TPST2: variants seen among roughly 807,000 people sequenced by gnomAD.
TPST2 encodes the protein tyrosylprotein sulfotransferase 2.
In TPST2, 16 loss-of-function variants were observed where a neutral mutation model predicts 27.8. That is an observed-to-expected ratio of 0.58 (90% CI 0.39 to 0.88). The LOEUF is 0.88. TPST2 is among the 40% of genes least tolerant of loss of function. TPST2 has a pLI of 0.00. For synonymous variants in TPST2, 229 were observed against 231.7 expected (o/e 0.99, Z 0.10); for missense variants, 464 against 543.1 (o/e 0.85, Z 1.45).
At chr22:26,565,372 G>A (rs1927332428) in intron 1 of TPST2, 1 of 152,292 alleles carries the variant, frequency 6.6e-6, no homozygotes, top group South Asian at 2.1e-4. Context: ...CTCCTTTGAA[G>A]GATCAGTCAG....
At chr22:26,542,313 T>C (rs1925908542) in intron 2 of TPST2, among the ~76,000 whole-genome samples, 1 of 149,952 alleles carries the variant, frequency 6.7e-6, no homozygotes. Context: ...CTCGGACTCC[T>C]GGGCTCAAGC....
chr22:26,534,682 C>T (rs981730167), intron 4 of TPST2, among the ~76,000 whole-genome samples: 2 of 152,156 alleles, frequency 1.3e-5, no homozygotes, highest in Non-Finnish European at 2.9e-5. Flanking sequence ...TGTCCCCAGC[C>T]GGCCCTCGCC....
At chr22:26,559,809 A>C (rs1482670564) in intron 1 of TPST2, among the ~76,000 whole-genome samples, 1 of 152,084 alleles carries the variant, frequency 6.6e-6, no homozygotes, top group Non-Finnish European at 1.5e-5. Flanking sequence ...GTTTCTGCAA[A>C]CCCCCACTTA....
At position 26,540,532 on chromosome 22, in the gene TPST2, C is replaced by T. The variant is rs188031011; in HGVS notation, c.842+257G>A. 7.2e-5 allele frequency among the ~76,000 whole-genome samples: 11 copies of T among 152,250 alleles called. No homozygotes were observed. In the East Asian group the frequency reaches 1.7e-3, roughly 24 times the overall value. On this transcript the variant is annotated intron_variant, in intron 3 of 6. Transcript: ENST00000338754. Reference sequence around the variant, plus strand: ...GAGGATCACTTGAACAGGGAGGTGGCGGCTGTTACTCCAGCCGGGCAACAG... The same window carrying T: ...GAGGATCACTTGAACAGGGAGGTGGTGGCTGTTACTCCAGCCGGGCAACAG...
intron 1 of TPST2, among the ~76,000 whole-genome samples, chr22:26,557,883 C>T (rs1229986826): frequency 1.3e-5 from 2 of 149,568 alleles, no homozygotes; most frequent in Admixed American, 6.7e-5. Flanking sequence ...TCCATCTCTA[C>T]AAAAAAATTA....
chr22:26,570,027 G>A (rs1927558515), intron 1 of TPST2, among the ~76,000 whole-genome samples: 2 of 119,528 alleles, frequency 1.7e-5, no homozygotes, highest in African/African-American at 3.4e-5. Context: ...AAGAAAGAAA[G>A]AAAGAAAGAA....
intron 4 of TPST2, chr22:26,536,017 G>A (rs992310618): frequency 5.2e-6 from 3 of 575,872 alleles, no homozygotes; most frequent in Non-Finnish European, 9.9e-6. Context: ...AATAAAATTA[G>A]AGAAATAAGA....
intron 2 of TPST2, among the ~76,000 whole-genome samples, chr22:26,543,918 A>G (rs1925988933): frequency 6.6e-6 from 1 of 152,206 alleles, no homozygotes; most frequent in African/African-American, 2.4e-5. Context: ...ACCCAGAGCT[A>G]GGGACCCCAC....
chr22:26,537,191 C>T (rs1925515966), intron 3 of TPST2, among the ~76,000 whole-genome samples: 1 of 152,236 alleles, frequency 6.6e-6, no homozygotes, highest in African/African-American at 2.4e-5. Context: ...CCTACAGGCA[C>T]TCAGTCTTTG....
At chr22:26,550,452 T>A (rs1569185269) in intron 1 of TPST2, 1 of 439,050 alleles carries the variant, frequency 2.3e-6, no homozygotes, top group Non-Finnish European at 3.0e-6. Context: ...CTCAAATCTA[T>A]AGGAACTTTC....
chr22:26,579,203 T>C (rs910732331), intron 1 of TPST2, among the ~76,000 whole-genome samples: 6 of 152,174 alleles, frequency 3.9e-5, no homozygotes, highest in African/African-American at 1.4e-4. Flanking sequence ...CCAAAACTCT[T>C]AGCCATCAAA....
intron 1 of TPST2, among the ~76,000 whole-genome samples, chr22:26,557,382 A>G (rs1330488462): frequency 6.6e-6 from 1 of 152,204 alleles, no homozygotes; most frequent in Non-Finnish European, 1.5e-5. Flanking sequence ...AATGGGCCCA[A>G]TAATTCTTAC....
At chr22:26,536,555 A>G in intron 3 of TPST2, 69 bp from the exon 4 acceptor site, 2 of 1,357,642 alleles carry the variant, frequency 1.5e-6, no homozygotes, top group Admixed American at 2.9e-5. Context: ...TTCCCTGCTC[A>G]GCCACTCTGG....
intron 3 of TPST2, among the ~76,000 whole-genome samples, chr22:26,538,747 C>T (rs1357223184): frequency 1.3e-5 from 2 of 152,106 alleles, no homozygotes; most frequent in Admixed American, 6.5e-5. Flanking sequence ...TGCTTGAACC[C>T]GGGAGGCGGA....
intron 5 of TPST2, 61 bp from the exon 6 acceptor site, chr22:26,528,323 T>C (rs1924954543): frequency 6.5e-7 from 1 of 1,538,958 alleles, no homozygotes; most frequent in African/African-American, 1.4e-5. Flanking sequence ...CCTTGCTGTA[T>C]TGAGGGTCAC....
At chr22:26,560,885 G>A (rs1927052470) in intron 1 of TPST2, 2 of 1,598,900 alleles carry the variant, frequency 1.3e-6, no homozygotes, top group Non-Finnish European at 1.7e-6. Context: ...ATCCTGGCCT[G>A]TCCATTGGTG....
intron 3 of TPST2, among the ~76,000 whole-genome samples, chr22:26,539,776 CAAAAACA>C (rs1569180387): frequency 6.6e-6 from 1 of 151,882 alleles, no homozygotes; most frequent in East Asian, 1.9e-4. Flanking sequence ...CTCAAAAAAA[CAAAAACA>C]AAAACAAGAA....
At chr22:26,583,835 C>T (rs941505464) in intron 1 of TPST2, among the ~76,000 whole-genome samples, 19 of 151,080 alleles carry the variant, frequency 1.3e-4, no homozygotes, top group Non-Finnish European at 2.4e-4. Flanking sequence ...AGCGAGACTT[C>T]GTCTCAAAAA....
At chr22:26,531,486 A>T (rs1925160336) in intron 5 of TPST2, among the ~76,000 whole-genome samples, 1 of 152,244 alleles carries the variant, frequency 6.6e-6, no homozygotes. Context: ...AAAAGTGCAT[A>T]CGCACTCCAG....
Sources: allele counts gnomAD v4.1 joint callset (sites outside exome capture counted in the v4.1 genomes callset), GRCh38; gene constraint gnomAD v4.1.1; transcripts MANE v1.5; gene names NCBI Gene and HGNC (gene_info 2026-07-23, HGNC 2026-07-21).